PRKCB: variants seen among roughly 807,000 people sequenced by gnomAD.
PRKCB encodes the protein protein kinase C beta type.
PRKCB carries 13 observed loss-of-function variants against 81.5 expected under a neutral mutation model. The observed-to-expected ratio is 0.16, with a 90% CI of 0.10 to 0.25. PRKCB has a LOEUF of 0.25. Among genes scored for constraint, PRKCB ranks in the 10% least tolerant of loss-of-function variants. PRKCB has a pLI of 1.00. For missense variants in PRKCB, 509 were observed against 875.7 expected (o/e 0.58, Z 5.29); for synonymous variants, 335 against 321.4 (o/e 1.04, Z -0.45).
intron 3 of PRKCB, among the ~76,000 whole-genome samples, chr16:24,022,428 C>G (rs1252170562): frequency 6.6e-6 from 1 of 152,174 alleles, no homozygotes; most frequent in Non-Finnish European, 1.5e-5. Flanking sequence ...AATGAGTGTT[C>G]TGTGTTGTCA....
chr16:24,087,981 A>G (rs1030125832), intron 5 of PRKCB, among the ~76,000 whole-genome samples: 1 of 152,122 alleles, frequency 6.6e-6, no homozygotes, highest in Admixed American at 6.5e-5. Context: ...GACGTTTGCT[A>G]TTTCTGCTCT....
chr16:23,849,102 C>T (rs1040050973), intron 2 of PRKCB, among the ~76,000 whole-genome samples: 1 of 152,206 alleles, frequency 6.6e-6, no homozygotes, highest in African/African-American at 2.4e-5. Context: ...TCTGAGAAAC[C>T]CTTTCCTGGC....
chr16:23,950,132 ATTTTTTTTTTTTTTT>A (rs34117735), intron 2 of PRKCB, among the ~76,000 whole-genome samples: 2 of 97,774 alleles, frequency 2.0e-5, no homozygotes, highest in East Asian at 6.3e-4. Context: ...TATGATTTGA[ATTTTTTTTTTTTTTT>A]TTTTTTTTTT....
chr16:24,174,486 C>G, intron 11 of PRKCB, 32 bp from the exon 12 acceptor site: 1 of 1,552,944 alleles, frequency 6.4e-7, no homozygotes, highest in Non-Finnish European at 8.8e-7. Flanking sequence ...CCTTGAGTTT[C>G]TCCATCGCTT....
chr16:24,052,175 T>C (rs537633496), intron 5 of PRKCB, among the ~76,000 whole-genome samples: 2 of 152,232 alleles, frequency 1.3e-5, no homozygotes, highest in South Asian at 4.1e-4. Flanking sequence ...CAATGTGCAT[T>C]GGAGAGCTGA....
Position 23,836,352 on chromosome 16 carries a change from A to AGCGC in PRKCB, c.173+13_173+16dup, listed in dbSNP as rs753938672. 6.3e-7 allele frequency: 1 copy of AGCGC among 1,599,566 alleles called. No homozygotes were observed. The highest frequency in any genetic ancestry group is 1.7e-5 in the Admixed American group (1 of 59,464). On this transcript the variant is annotated splice_donor_region_variant and intron_variant, in intron 1 of 16. Transcript: ENST00000643927. ...GCCACTGCACCGACTTCATCTGGTG[A>AGCGC]GCGCGCGCGCGCAGGGCACCTTCCC...
chr16:23,898,824 T>C (rs1410614427), intron 2 of PRKCB, among the ~76,000 whole-genome samples: 2 of 152,186 alleles, frequency 1.3e-5, no homozygotes, highest in Non-Finnish European at 1.5e-5. Flanking sequence ...ATGCGATCCT[T>C]AACTGTGTGG....
chr16:23,852,498 G>A (rs989373875), intron 2 of PRKCB, among the ~76,000 whole-genome samples: 5 of 152,046 alleles, frequency 3.3e-5, no homozygotes, highest in Admixed American at 2.0e-4. Flanking sequence ...TTCTTTTAAT[G>A]TGTTCTTCAA....
intron 6 of PRKCB, 41 bp from the exon 7 acceptor site, chr16:24,094,122 A>G (rs747105719): frequency 1.3e-6 from 2 of 1,594,194 alleles, no homozygotes; most frequent in Non-Finnish European, 1.7e-6. Context: ...TTGAGAAATT[A>G]CTACAACCTC....
chr16:24,213,634 T>C (rs1968180479), intron 16 of PRKCB, among the ~76,000 whole-genome samples: 1 of 152,222 alleles, frequency 6.6e-6, no homozygotes, highest in Admixed American at 6.5e-5. Flanking sequence ...TATTATACTA[T>C]TAGGTTGTGG....
rs183400550 is a variant in PRKCB at position 23,966,972 on chromosome 16, A to G, written c.206-21536A>G. On this transcript the variant is annotated intron_variant, in intron 2 of 16. Transcript: ENST00000643927. ...AAGCCGGAAACCTGGATTTGTAAAA[A>G]CCGTGAACTCTCCTAGCTTAAGAAT... Among the ~76,000 whole-genome samples, 40 of 151,416 alleles carry G rather than the reference A, an allele frequency of 2.6e-4. 1 individual carries two copies. The highest frequency in any genetic ancestry group is 2.9e-5 in the Non-Finnish European group (2 of 67,908).
chr16:24,032,639 G>A (rs1472262771), intron 4 of PRKCB, among the ~76,000 whole-genome samples: 1 of 152,160 alleles, frequency 6.6e-6, no homozygotes, highest in Non-Finnish European at 1.5e-5. Context: ...TGATGACCAG[G>A]CCACGTGTCT....
At chr16:23,879,108 G>A (rs995664747) in intron 2 of PRKCB, among the ~76,000 whole-genome samples, 5 of 152,056 alleles carry the variant, frequency 3.3e-5, no homozygotes, top group African/African-American at 7.2e-5. Flanking sequence ...AACTTGGGAC[G>A]CGGAGGTTGC....
rs1597243592 is a variant in PRKCB, at chr16:23,915,283, A to G, written c.206-73225A>G. On this transcript the variant is annotated intron_variant, in intron 2 of 16. Transcript: ENST00000643927. ...CCTTGCTCTGCTTCTGGCCATGGCG[A>G]TATTTTCTGGCGGCCCCTATGCTGT... 4.6e-5 allele frequency among the ~76,000 whole-genome samples: 7 copies of G among 152,236 alleles called. 1 individual carries two copies. The highest frequency in any genetic ancestry group is 4.6e-4 in the Admixed American group (7 of 15,292).
chr16:24,118,656 T>G (rs1214512628), intron 8 of PRKCB, among the ~76,000 whole-genome samples: 1 of 152,220 alleles, frequency 6.6e-6, no homozygotes, highest in East Asian at 1.9e-4. Context: ...CTTGGCTCTT[T>G]GCTCAGAAAT....
intron 2 of PRKCB, among the ~76,000 whole-genome samples, chr16:23,922,265 C>T (rs992899949): frequency 2.0e-5 from 3 of 152,096 alleles, no homozygotes; most frequent in African/African-American, 7.2e-5. Context: ...GTGGCAGGAA[C>T]CCATGTTGAA....
At chr16:24,060,996 A>T (rs187021854) in intron 5 of PRKCB, among the ~76,000 whole-genome samples, 1 of 152,148 alleles carries the variant, frequency 6.6e-6, no homozygotes, top group Non-Finnish European at 1.5e-5. Context: ...GTAGGGACTG[A>T]CTATTCTGTC....
rs150340693 is a variant in PRKCB, at chr16:24,031,559, C to A, written c.289-577C>A. On this transcript the variant is annotated intron_variant, in intron 3 of 16. Transcript: ENST00000643927. ...TGGATAGCCATGCTCTCTGCTAAAA[C>A]TCAAGGATTCTACTATTAAAGGGAA... Among the ~76,000 whole-genome samples, 5 of 152,326 alleles carry A rather than the reference C, an allele frequency of 3.3e-5. No individual in the cohort carries two copies. In the East Asian group the frequency reaches 9.6e-4, roughly 29 times the overall value.
At chr16:23,837,535 A>C (rs1005451032) in intron 2 of PRKCB, 129 bp downstream of exon 2, 1 of 1,163,706 alleles carries the variant, frequency 8.6e-7, no homozygotes, top group African/African-American at 1.6e-5. Context: ...CAGGCTAGGA[A>C]TTCTTCACCA....
Sources: allele counts gnomAD v4.1 joint callset (sites outside exome capture counted in the v4.1 genomes callset), GRCh38; gene constraint gnomAD v4.1.1; transcripts MANE v1.5; gene names NCBI Gene and HGNC (gene_info 2026-07-23, HGNC 2026-07-21).